Variants in RAPGEF1 observed in about 807,000 individuals in gnomAD.
The protein encoded by RAPGEF1 is CRK SH3-binding GNRP.
In RAPGEF1, 33 loss-of-function variants were observed where a neutral mutation model predicts 143.3. That is an observed-to-expected ratio of 0.23 (90% CI 0.17 to 0.31). The LOEUF (loss-of-function observed/expected upper bound fraction) is 0.31. Among genes scored for constraint, RAPGEF1 ranks in the 10% least tolerant of loss-of-function variants. The pLI is 1.00. For synonymous variants in RAPGEF1, 629 were observed against 676.5 expected (o/e 0.93, Z 1.09); for missense variants, 1,199 against 1,645.4 (o/e 0.73, Z 4.69).
At chr9:131,693,282 G>A (rs1262786934) in intron 1 of RAPGEF1, among the ~76,000 whole-genome samples, 4 of 152,134 alleles carry the variant, frequency 2.6e-5, no homozygotes, top group African/African-American at 9.6e-5. Flanking sequence ...CTAGGTGAGA[G>A]CATGACAAAA....
intron 26 of RAPGEF1, 28 bp from the exon 27 acceptor site, chr9:131,579,675 T>C: frequency 2.5e-6 from 4 of 1,609,992 alleles, no homozygotes; most frequent in Non-Finnish European, 3.4e-6. Context: ...GAGCAGTCAG[T>C]GAGCACCTGT....
rs538797904 is a variant in RAPGEF1, at chr9:131,726,117, CAGAT to C, written c.61+13649_61+13652del. 1.4e-3 allele frequency among the ~76,000 whole-genome samples: 209 copies of C among 152,094 alleles called. 1 individual carries two copies. Among genetic ancestry groups the C allele is most frequent in the African/African-American group, 4.8e-3 (197 of 41,454 alleles). On this transcript the variant is annotated intron_variant, in intron 1 of 26. Transcript: ENST00000683357. ...TCTTTGTCTATTTCTAGCAAACAGA[CAGAT>C]AGTCAGCCAAGGTCAAATTCTCACG... is the stretch of plus-strand genomic sequence containing the variant.
chr9:131,638,172 A>G (rs1966839728), intron 5 of RAPGEF1, among the ~76,000 whole-genome samples: 1 of 152,264 alleles, frequency 6.6e-6, no homozygotes, highest in South Asian at 2.1e-4. Flanking sequence ...TCTGGATAGC[A>G]AATACACAGA....
At chr9:131,597,239 T>C (rs1955459588) in intron 16 of RAPGEF1, among the ~76,000 whole-genome samples, 1 of 152,232 alleles carries the variant, frequency 6.6e-6, no homozygotes, top group Non-Finnish European at 1.5e-5. Context: ...TTTTACCTCC[T>C]GACTCCAGAG....
At chr9:131,587,359 A>G (rs574794333) in intron 22 of RAPGEF1, among the ~76,000 whole-genome samples, 2 of 152,386 alleles carry the variant, frequency 1.3e-5, no homozygotes, top group South Asian at 4.1e-4. Flanking sequence ...CATTAACGTT[A>G]TAGAGCCCAC....
intron 1 of RAPGEF1, among the ~76,000 whole-genome samples, chr9:131,698,648 G>T (rs572826916): frequency 6.6e-6 from 1 of 152,238 alleles, no homozygotes; most frequent in African/African-American, 2.4e-5. Context: ...GGGCTGGCCT[G>T]TGGCCTGCTT....
intron 1 of RAPGEF1, among the ~76,000 whole-genome samples, chr9:131,715,300 G>A (rs748037280): frequency 2.0e-4 from 31 of 152,110 alleles, no homozygotes; most frequent in South Asian, 6.2e-4. Flanking sequence ...CTAGCAGGGC[G>A]ACCTAATCTA....
chr9:131,643,456 T>C (rs1350632798), intron 3 of RAPGEF1, 39 bp from the exon 4 acceptor site: 2 of 1,554,628 alleles, frequency 1.3e-6, no homozygotes, highest in Non-Finnish European at 1.7e-6. Context: ...AGGAGAGAGA[T>C]TAAAGGGAGC....
intron 1 of RAPGEF1, among the ~76,000 whole-genome samples, chr9:131,699,704 C>T (rs915814821): frequency 1.3e-5 from 2 of 152,238 alleles, no homozygotes; most frequent in Non-Finnish European, 2.9e-5. Flanking sequence ...GGCTTCTGAA[C>T]ACCAGTCTCC....
intron 1 of RAPGEF1, among the ~76,000 whole-genome samples, chr9:131,656,186 GTTATTC>G (rs1364718717): frequency 2.6e-4 from 39 of 152,216 alleles, no homozygotes; most frequent in African/African-American, 8.4e-4. Context: ...TCTTCATCCA[GTTATTC>G]TGCAACACTG....
intron 1 of RAPGEF1, among the ~76,000 whole-genome samples, chr9:131,680,603 T>C (rs947020218): frequency 2.0e-5 from 3 of 152,236 alleles, no homozygotes; most frequent in Non-Finnish European, 4.4e-5. Context: ...CTTAAGGACA[T>C]GCTCCTGCTG....
intron 12 of RAPGEF1, 32 bp from the exon 13 acceptor site, chr9:131,605,220 C>A: frequency 7.9e-7 from 1 of 1,265,328 alleles, no homozygotes; most frequent in Admixed American, 2.7e-5. Context: ...CAAACAAAAA[C>A]GAGAATACAA....
intron 15 of RAPGEF1, among the ~76,000 whole-genome samples, chr9:131,599,890 G>T (rs1405656293): frequency 6.6e-6 from 1 of 152,178 alleles, no homozygotes; most frequent in Non-Finnish European, 1.5e-5. Context: ...GGCCGAGGCG[G>T]GTGGATCACT....
intron 5 of RAPGEF1, among the ~76,000 whole-genome samples, chr9:131,633,752 C>T (rs1965581728): frequency 6.6e-6 from 1 of 152,206 alleles, no homozygotes; most frequent in Non-Finnish European, 1.5e-5. Flanking sequence ...CCACCTATCT[C>T]CCTGCCTAGA....
intron 1 of RAPGEF1, among the ~76,000 whole-genome samples, chr9:131,681,044 G>A (rs1039203753): frequency 1.6e-4 from 24 of 152,152 alleles, no homozygotes; most frequent in Non-Finnish European, 2.9e-5. Context: ...AATAGGACAA[G>A]TGTGGGGGTG....
At position 131,621,030 on chromosome 9, in the gene RAPGEF1, G is replaced by A. The variant is rs1189822677; in HGVS notation, c.1905+766C>T. ...GGAGCATGGCTGGACAAGAGGCTCA[G>A]ATCTTCAAACCTGACTAGGGCCCTC... On this transcript the variant is annotated intron_variant, in intron 11 of 26. Transcript: ENST00000683357. This position sits in a 1 kb window ranked among gnomAD's most constrained non-coding sequence, Gnocchi z 4.5. 6.6e-6 allele frequency among the ~76,000 whole-genome samples: 1 copy of A among 152,230 alleles called. No individual in the cohort carries two copies. Among genetic ancestry groups the A allele is most frequent in the African/African-American group, 2.4e-5 (1 of 41,462 alleles).
intron 1 of RAPGEF1, among the ~76,000 whole-genome samples, chr9:131,663,842 G>A (rs1191778949): frequency 6.6e-6 from 1 of 152,188 alleles, no homozygotes; most frequent in African/African-American, 2.4e-5. Context: ...TGCAATTTGA[G>A]ATTTTAAGCA....
At chr9:131,585,318 C>T (rs1465821081) in intron 22 of RAPGEF1, among the ~76,000 whole-genome samples, 2 of 151,600 alleles carry the variant, frequency 1.3e-5, no homozygotes, top group African/African-American at 4.9e-5. Flanking sequence ...GTAGCTGGGA[C>T]TATAGGTGTG....
At chr9:131,673,178 G>A (rs541584671) in intron 1 of RAPGEF1, among the ~76,000 whole-genome samples, 1 of 152,292 alleles carries the variant, frequency 6.6e-6, no homozygotes, top group Non-Finnish European at 1.5e-5. Flanking sequence ...GTCTGAAAAA[G>A]TGCACCCAAA....
Sources: allele counts gnomAD v4.1 joint callset (sites outside exome capture counted in the v4.1 genomes callset), GRCh38; gene constraint gnomAD v4.1.1; non-coding constraint Gnocchi (gnomAD v3.1); transcripts MANE v1.5; gene names NCBI Gene and HGNC (gene_info 2026-07-23, HGNC 2026-07-21).